ANK3: variants seen among roughly 807,000 people sequenced by gnomAD.
The protein encoded by ANK3 is ankyrin-3.
ANK3 carries 57 observed loss-of-function variants against 370.9 expected under a neutral mutation model. The observed-to-expected ratio is 0.15, with a 90% CI of 0.12 to 0.19. The LOEUF is 0.19. ANK3 is among the 10% of genes least tolerant of loss of function. The pLI, the probability that ANK3 is intolerant of heterozygous loss-of-function variation, is 1.00. For missense variants in ANK3, 4,439 were observed against 5,302.1 expected, an observed-to-expected ratio of 0.84 and a Z score of 5.06; for synonymous variants, 1,929 against 1,946.3, an observed-to-expected ratio of 0.99 and a Z score of 0.23.
rs79222025 is a variant in ANK3, at chr10:60,607,003, T to C, written c.96+8183A>G. 2.5e-3 allele frequency among the ~76,000 whole-genome samples: 379 copies of C among 152,244 alleles called. 2 individuals carry two copies. Among genetic ancestry groups the C allele is most frequent in the African/African-American group, 8.6e-3 (358 of 41,546 alleles). ...TCAAGTCTTATCTCATGCAGAGGTATCAAGGAAATGAGAGGGCTTAAACCT... is the reference window on the plus strand; with the variant it reads ...TCAAGTCTTATCTCATGCAGAGGTACCAAGGAAATGAGAGGGCTTAAACCT... On this transcript the variant is annotated intron_variant, in intron 2 of 43. Transcript: ENST00000373827.
At chr10:60,220,464 A>C (rs1223033770) in intron 8 of ANK3, among the ~76,000 whole-genome samples, 1 of 152,162 alleles carries the variant, frequency 6.6e-6, no homozygotes, top group Non-Finnish European at 1.5e-5. Flanking sequence ...CAGACTCTTT[A>C]AATCTGATAA....
intron 2 of ANK3, among the ~76,000 whole-genome samples, chr10:60,511,724 G>T (rs1410975371): frequency 6.6e-6 from 1 of 151,390 alleles, no homozygotes; most frequent in African/African-American, 2.4e-5. Context: ...AGTTCCACCA[G>T]TACCAGAAAG....
At chr10:60,209,860 TA>T (rs1025786941) in intron 9 of ANK3, among the ~76,000 whole-genome samples, 3 of 151,328 alleles carry the variant, frequency 2.0e-5, no homozygotes, top group African/African-American at 7.3e-5. Flanking sequence ...GCAGTGTCAA[TA>T]AAAAAAAATT....
intron 1 of ANK3, among the ~76,000 whole-genome samples, chr10:60,686,687 T>C (rs57071227): frequency 0.011 from 1,646 of 152,280 alleles, 28 homozygotes; most frequent in African/African-American, 0.037. Flanking sequence ...ATGTACACAA[T>C]ATGAAATCAA....
chr10:60,335,672 T>G (rs2132956639), intron 1 of ANK3, among the ~76,000 whole-genome samples: 1 of 152,350 alleles, frequency 6.6e-6, no homozygotes, highest in Non-Finnish European at 1.5e-5. Flanking sequence ...TCATCGGTCT[T>G]GACTTAAAAA....
At chr10:60,731,623 A>C (rs1456963201) in intron 1 of ANK3, among the ~76,000 whole-genome samples, 15 of 152,216 alleles carry the variant, frequency 9.9e-5, no homozygotes, top group Admixed American at 9.8e-4. Context: ...TTTTTGTTTC[A>C]GAACTGTGGT....
chr10:60,314,831 A>G (rs1306753347), intron 1 of ANK3, among the ~76,000 whole-genome samples: 1 of 152,188 alleles, frequency 6.6e-6, no homozygotes, highest in Non-Finnish European at 1.5e-5. Context: ...CAGTTATTAT[A>G]TATTGGCAAC....
intron 2 of ANK3, among the ~76,000 whole-genome samples, chr10:60,589,072 T>C (rs1053766588): frequency 1.3e-5 from 2 of 152,224 alleles, no homozygotes; most frequent in African/African-American, 4.8e-5. Flanking sequence ...AAAAATAATT[T>C]CAGAAATACA....
chr10:60,331,136 G>C (rs531475410), intron 1 of ANK3, among the ~76,000 whole-genome samples: 1 of 152,078 alleles, frequency 6.6e-6, no homozygotes, highest in African/African-American at 2.4e-5. Context: ...GGCATGGGGA[G>C]GGGGAGCATT....
chr10:60,406,710 GGACT>G (rs140317224), intron 2 of ANK3, among the ~76,000 whole-genome samples: 1 of 152,288 alleles, frequency 6.6e-6, no homozygotes, highest in Non-Finnish European at 1.5e-5. Flanking sequence ...ATCAATAAAA[GGACT>G]GACTTAGAGT....
At chr10:60,332,818 C>T (rs938344432) in intron 1 of ANK3, among the ~76,000 whole-genome samples, 2 of 152,124 alleles carry the variant, frequency 1.3e-5, no homozygotes, top group Admixed American at 1.3e-4. Flanking sequence ...TTCCAAGAAT[C>T]GATGCTTTAA....
chr10:60,189,230 T>C (rs1441227345), intron 16 of ANK3, among the ~76,000 whole-genome samples: 3 of 152,164 alleles, frequency 2.0e-5, no homozygotes, highest in Non-Finnish European at 4.4e-5. Context: ...TGGCGGTGCA[T>C]GCCTGTAGTC....
chr10:60,666,234 T>C (rs1401386626), intron 1 of ANK3, among the ~76,000 whole-genome samples: 1 of 152,120 alleles, frequency 6.6e-6, no homozygotes, highest in Non-Finnish European at 1.5e-5. Flanking sequence ...GAAAAGAAAT[T>C]GTGACACATG....
chr10:60,270,335 TTAA>T, intron 4 of ANK3, 106 bp from the exon 5 acceptor site: 1 of 539,542 alleles, frequency 1.9e-6, no homozygotes, highest in Non-Finnish European at 3.0e-6. Context: ...TACAATAACT[TTAA>T]TAATACTTTC....
chr10:60,186,225 T>C (rs1327289634), intron 17 of ANK3, among the ~76,000 whole-genome samples: 2 of 150,448 alleles, frequency 1.3e-5, no homozygotes, highest in Admixed American at 6.6e-5. Flanking sequence ...AACAAAACTT[T>C]ATGTTACTAC....
intron 12 of ANK3, 47 bp from the exon 13 acceptor site, chr10:60,200,274 G>C (rs773669936): frequency 2.8e-6 from 4 of 1,446,872 alleles, no homozygotes; most frequent in African/African-American, 2.8e-5. Context: ...CTGAAGAAGA[G>C]TAGTGTATTT....
Position 60,074,828 on chromosome 10 carries a change from A to T in ANK3, c.6053T>A (p.Val2018Glu). 1 of 1,613,700 alleles carries T rather than the reference A, an allele frequency of 6.2e-7. No individual in the cohort carries two copies. Among genetic ancestry groups the T allele is most frequent in the Non-Finnish European group, 8.5e-7 (1 of 1,179,930 alleles). ...QSPSLPERVQ[V>E]KAKAASEKDY... ...CTTTTCGGAGGCGGCTTTTGCTTTT[A>T]CTTGCACTCTCTCTGGCAGAGATGG... The change falls in exon 37 of 44, where the codon GTA becomes GAA. Residue 2018 changes from valine to glutamate, a missense_variant. Physicochemically the swap from Val to Glu is moderately radical, Grantham distance 121. Transcript: ENST00000280772.
intron 8 of ANK3, among the ~76,000 whole-genome samples, chr10:60,224,204 C>T (rs768894171): frequency 2.6e-5 from 4 of 152,118 alleles, no homozygotes; most frequent in Non-Finnish European, 4.4e-5. Context: ...AGTAACATTA[C>T]GGAAGGGAAA....
chr10:60,356,999 G>A (rs987501827), intron 1 of ANK3, among the ~76,000 whole-genome samples: 12 of 152,172 alleles, frequency 7.9e-5, no homozygotes, highest in Non-Finnish European at 1.2e-4. Context: ...GTGAGCCACC[G>A]TGCCTGGCCC....
Sources: allele counts gnomAD v4.1 joint callset (sites outside exome capture counted in the v4.1 genomes callset), GRCh38; gene constraint gnomAD v4.1.1; transcripts MANE v1.5; gene names NCBI Gene and HGNC (gene_info 2026-07-23, HGNC 2026-07-21).